IKBKB: variants seen among roughly 807,000 people sequenced by gnomAD.
IKBKB encodes the protein inhibitor of nuclear factor kappa B kinase subunit beta, also known as inhibitor of nuclear factor kappa-B kinase subunit beta.
A neutral mutation model predicts 113.6 loss-of-function variants in IKBKB; 42 were observed. The ratio of observed to expected loss-of-function variants is 0.37; its 90% confidence interval spans 0.29 to 0.48. IKBKB has a LOEUF of 0.48. IKBKB is among the 20% of genes least tolerant of loss of function. IKBKB has a pLI of 0.99. For missense variants in IKBKB, 673 were observed against 939.7 expected, an observed-to-expected ratio of 0.72 and a Z score of 3.71; for synonymous variants, 296 against 361.3, an observed-to-expected ratio of 0.82 and a Z score of 2.05.
chr8:42,271,912 C>T (rs1807838761), intron 1 of IKBKB, 171 bp from the exon 2 acceptor site: 2 of 723,102 alleles, frequency 2.8e-6, no homozygotes, highest in South Asian at 4.0e-5. Context: ...CAAAAGTTTG[C>T]CACAAAGTTT....
chr8:42,322,573 C>T, intron 19 of IKBKB, 79 bp downstream of exon 19: 2 of 1,454,956 alleles, frequency 1.4e-6, no homozygotes, highest in Non-Finnish European at 1.9e-6. Flanking sequence ...GCCGCCATCC[C>T]ACACGGGACA....
intron 9 of IKBKB, among the ~76,000 whole-genome samples, chr8:42,314,971 T>C (rs1406682835): frequency 6.6e-6 from 1 of 152,188 alleles, no homozygotes; most frequent in African/African-American, 2.4e-5. Flanking sequence ...TATCTATACC[T>C]CTTATTACCC....
intron 5 of IKBKB, among the ~76,000 whole-genome samples, chr8:42,302,392 G>A (rs1325005290): frequency 1.3e-5 from 2 of 152,154 alleles, no homozygotes; most frequent in Non-Finnish European, 2.9e-5. Flanking sequence ...TGTCACTTAG[G>A]AAGGAAATGA....
chr8:42,292,417 G>A (rs1008381285), intron 4 of IKBKB, among the ~76,000 whole-genome samples: 15 of 152,228 alleles, frequency 9.9e-5, no homozygotes, highest in African/African-American at 3.4e-4. Context: ...CGCATCCTAA[G>A]GGACCCCTGT....
rs202078453 is a variant in IKBKB, at chr8:42,288,747, G to C, written c.200+19G>C. On this transcript the variant is annotated intron_variant, in intron 3 of 21. Transcript: ENST00000520810. Reference sequence around the variant, plus strand: ...TGAGAAGGTGAGGGCCTCGCGCATAGGGACCCAAGGGAAAGCTGGAGCAGC... The same window carrying C: ...TGAGAAGGTGAGGGCCTCGCGCATACGGACCCAAGGGAAAGCTGGAGCAGC... 157 of 1,579,128 alleles carry C rather than the reference G, an allele frequency of 9.9e-5. No individual in the cohort carries two copies. Among genetic ancestry groups the C allele is most frequent in the Middle Eastern group, 3.4e-4 (2 of 5,800 alleles).
At position 42,320,805 on chromosome 8, in the gene IKBKB, G is replaced by T; in HGVS notation, c.1649G>T (p.Ser550Ile). 1 of 1,607,028 alleles carries T rather than the reference G, an allele frequency of 6.2e-7. No individual in the cohort carries two copies. The highest frequency in any genetic ancestry group is 1.7e-4 in the Middle Eastern group (1 of 6,018). The change falls in exon 16 of 22, where the codon AGC becomes ATC. Residue 550 changes from serine (S) to isoleucine (I), a missense_variant. This residue lies in a region of IKBKB where 506 missense variants were observed against 638.7 expected (regional missense o/e 0.79). Coordinates refer to ENST00000520810, the MANE Select transcript of IKBKB (RefSeq NM_001556.3). ...ACCGACATTGTGGACTTACAGAGGAGCCCCATGGGCCGGAAGCAGGGGGGA... is the reference window on the plus strand; with the variant it reads ...ACCGACATTGTGGACTTACAGAGGATCCCCATGGGCCGGAAGCAGGGGGGA... ...LQTDIVDLQR[S>I]PMGRKQGGTL... is the part of the protein sequence containing the mutation.
At chr8:42,278,180 A>G (rs1326742586) in intron 2 of IKBKB, among the ~76,000 whole-genome samples, 2 of 152,216 alleles carry the variant, frequency 1.3e-5, no homozygotes, top group East Asian at 3.9e-4. Flanking sequence ...GTTCCAGGCC[A>G]AGGGAGAGGC....
At chr8:42,305,041 G>C (rs1452509001) in intron 5 of IKBKB, 146 bp from the exon 6 acceptor site, 2 of 625,978 alleles carry the variant, frequency 3.2e-6, no homozygotes, top group Non-Finnish European at 5.7e-6. Context: ...TCACGTAGCA[G>C]GGCCCCTGCC....
intron 13 of IKBKB, among the ~76,000 whole-genome samples, 173 bp from the exon 14 acceptor site, chr8:42,319,097 G>A (rs1359883369): frequency 2.0e-5 from 3 of 152,174 alleles, no homozygotes; most frequent in Non-Finnish European, 4.4e-5. Context: ...CTCAGGCATT[G>A]CTGAGGGCTA....
intron 2 of IKBKB, among the ~76,000 whole-genome samples, chr8:42,284,173 G>A (rs1332314622): frequency 1.3e-5 from 2 of 152,180 alleles, no homozygotes; most frequent in Non-Finnish European, 2.9e-5. Context: ...CCAAGGTCAA[G>A]GCATCATCAT....
At position 42,316,271 on chromosome 8, in the gene IKBKB, AG is replaced by A. The variant is rs1818666581; in HGVS notation, c.866del (p.Gly289AlafsTer19). 2 of 1,614,100 alleles carry A rather than the reference AG, an allele frequency of 1.2e-6. No individual in the cohort carries two copies. The highest frequency in any genetic ancestry group is 1.7e-6 in the Non-Finnish European group (2 of 1,180,020). The part of the protein sequence containing the change: ...QLMLMWHPRQ[R>X]GTDPTYGPNG... ...GATGCTGATGTGGCACCCCCGACAG[AG>A]GGGCACGGATCCCACGTATGGGCCC... On this transcript the variant is annotated frameshift_variant, in exon 10 of 22. Transcript: ENST00000520810. LOFTEE classifies it high-confidence loss of function. The surrounding 1 kb of genome is among the most constrained non-coding windows in gnomAD (Gnocchi z 4.5).
Position 42,331,431 on chromosome 8 carries a change from A to G in IKBKB, c.*452A>G, listed in dbSNP as rs1254357174. The G allele has an allele frequency of 5.7e-6, 4 of 702,398 alleles. No homozygotes were observed. In the African/African-American group the frequency reaches 7.0e-5, roughly 12 times the overall value. 43.5% of individuals were successfully genotyped at this position (702,398 alleles called of 1,614,324 possible). On this transcript the variant is annotated 3_prime_UTR_variant, in exon 22 of 22. Coordinates refer to ENST00000520810, the MANE Select transcript of IKBKB (RefSeq NM_001556.3). ...GGCAGAGTCCGAGCAGCGCTTGGTGACAGCCTGTCCTCTCCTGCTCTCCAA... is the reference window on the plus strand; with the variant it reads ...GGCAGAGTCCGAGCAGCGCTTGGTGGCAGCCTGTCCTCTCCTGCTCTCCAA...
At position 42,308,983 on chromosome 8, in the gene IKBKB, C is replaced by T. The variant is rs201023733; in HGVS notation, c.650C>T (p.Thr217Met). 6.8e-5 allele frequency: 109 copies of T among 1,614,078 alleles called. 1 individual carries two copies. Among genetic ancestry groups the T allele is most frequent in the South Asian group, 1.1e-4 (10 of 91,090 alleles). The change falls in exon 8 of 22, where the codon ACG (threonine) becomes ATG (methionine). Residue 217 changes from threonine (T) to methionine (M), a missense_variant. Thr to Met is a moderately conservative substitution (Grantham distance 81, BLOSUM62 -1). Transcript: ENST00000520810. ...GGCACCCTGGCCTTTGAGTGCATCACGGGCTTCCGGCCCTTCCTCCCCAAC... is the reference window on the plus strand; with the variant it reads ...GGCACCCTGGCCTTTGAGTGCATCATGGGCTTCCGGCCCTTCCTCCCCAAC... ...SFGTLAFECITGFRPFLPNWQ... is the reference protein window; with the variant it reads ...SFGTLAFECIMGFRPFLPNWQ...
intron 2 of IKBKB, among the ~76,000 whole-genome samples, chr8:42,278,782 G>A (rs1441573447): frequency 6.6e-6 from 1 of 152,148 alleles, no homozygotes; most frequent in Admixed American, 6.6e-5. Flanking sequence ...ATCACCTGAG[G>A]TTGGGAGTTC....
Position 42,316,882 on chromosome 8 carries a change from C to T in IKBKB, c.1103C>T (p.Thr368Ile). 2.5e-6 allele frequency: 4 copies of T among 1,614,152 alleles called. No individual in the cohort carries two copies. Among genetic ancestry groups the T allele is most frequent in the Non-Finnish European group, 3.4e-6 (4 of 1,180,032 alleles). ...GLALIPDKPA[T>I]QCISDGKLNE... ...GCGTTGATCCCCGATAAGCCTGCCA[C>T]TCAGTGTATTTCAGACGGCAAGGTG... Residue 368 changes from threonine (T) to isoleucine (I), a missense_variant, in exon 11 of 22, where the codon ACT becomes ATT. Physicochemically the swap from Thr to Ile is moderately conservative, Grantham distance 89. Coordinates refer to ENST00000520810, the MANE Select transcript of IKBKB (RefSeq NM_001556.3). The surrounding 1 kb of genome is among the most constrained non-coding windows in gnomAD (Gnocchi z 4.5).
At chr8:42,309,065 G>T in intron 8 of IKBKB, 40 bp downstream of exon 8, 1 of 1,597,298 alleles carries the variant, frequency 6.3e-7, no homozygotes, top group South Asian at 1.1e-5. Context: ...GAGGGAGCCT[G>T]TCTGTTCCTT....
At chr8:42,303,511 CT>C (rs1018224008) in intron 5 of IKBKB, among the ~76,000 whole-genome samples, 53 of 137,770 alleles carry the variant, frequency 3.8e-4, no homozygotes, top group Non-Finnish European at 2.9e-4. Flanking sequence ...TTTTCTTTTT[CT>C]TTTTTTTTTT....
rs1359013873 is a variant in IKBKB, at chr8:42,316,813, G to A, written c.1034G>A (p.Gly345Asp). 1 of 1,614,146 alleles carries A rather than the reference G, an allele frequency of 6.2e-7. No homozygotes were observed. The highest frequency in any genetic ancestry group is 1.3e-5 in the African/African-American group (1 of 75,034). ...AAGGCCAGAATCCAACAGGACACGG[G>A]CATCCCAGAGGAGGACCAGGAGCTG... ...SLKARIQQDT[G>D]IPEEDQELLQ... The change falls in exon 11 of 22, where the codon GGC becomes GAC. Residue 345 changes from glycine to aspartate, a missense_variant. Physicochemically the swap from Gly to Asp is moderately conservative, Grantham distance 94. This residue lies in a region of IKBKB where 506 missense variants were observed against 638.7 expected (regional missense o/e 0.79). Coordinates refer to ENST00000520810, the MANE Select transcript of IKBKB (RefSeq NM_001556.3). The surrounding 1 kb of genome is among the most constrained non-coding windows in gnomAD (Gnocchi z 4.5).
At chr8:42,326,355 G>A (rs996376469) in intron 20 of IKBKB, 8 of 470,222 alleles carry the variant, frequency 1.7e-5, no homozygotes, top group African/African-American at 1.6e-4. Context: ...TGCTGGTCAG[G>A]CACATGCTGT....
Sources: gnomAD v4.1 joint callset for allele counts (sites outside exome capture counted in the v4.1 genomes callset) on GRCh38, gnomAD v4.1.1 for gene constraint, gnomAD v4.1.1 regional missense constraint, Gnocchi (gnomAD v3.1) non-coding constraint, MANE v1.5 for transcripts, NCBI Gene and HGNC (gene_info 2026-07-23, HGNC 2026-07-21) for gene names.